The following SHROOM3 variants were observed in gnomAD, a reference collection of about 807,000 sequenced individuals.
The protein encoded by SHROOM3 is shroom family member 3.
In SHROOM3, 47 loss-of-function variants were observed where a neutral mutation model predicts 138.6. That is an observed-to-expected ratio of 0.34 (90% CI 0.27 to 0.43). SHROOM3 has a LOEUF of 0.43. SHROOM3 is among the 20% of genes least tolerant of loss of function. The pLI is 1.00. For synonymous variants in SHROOM3, 1,062 were observed against 1,063.3 expected, an observed-to-expected ratio of 1.00 and a Z score of 0.02; for missense variants, 2,491 against 2,596.5, an observed-to-expected ratio of 0.96 and a Z score of 0.88.
intron 1 of SHROOM3, among the ~76,000 whole-genome samples, chr4:76,519,749 A>G (rs1404477679): frequency 6.6e-6 from 1 of 152,202 alleles, no homozygotes; most frequent in Non-Finnish European, 1.5e-5. Context: ...ACATCCATAA[A>G]ACACGGTGCC....
chr4:76,449,793 CCT>C (rs1730886719), intron 1 of SHROOM3, among the ~76,000 whole-genome samples: 1 of 152,140 alleles, frequency 6.6e-6, no homozygotes. Context: ...TGCTTCCAGT[CCT>C]CTCTTTTCTA....
At position 76,504,682 on chromosome 4, in the gene SHROOM3, A is replaced by G. The variant is rs181741300; in HGVS notation, c.169-50927A>G. ...ACACATTCTATAATCCCCTGCCCCTAAAGTCCGATACATCCTCCCTGAAAG... is the reference window on the plus strand; with the variant it reads ...ACACATTCTATAATCCCCTGCCCCTGAAGTCCGATACATCCTCCCTGAAAG... On this transcript the variant is annotated intron_variant, in intron 1 of 10. Coordinates refer to ENST00000296043, the MANE Select transcript of SHROOM3 (RefSeq NM_020859.4). Among the ~76,000 whole-genome samples, 421 of 152,304 alleles carry G rather than the reference A, an allele frequency of 2.8e-3. 3 individuals carry two copies. Among genetic ancestry groups the G allele is most frequent in the African/African-American group, 9.6e-3 (398 of 41,568 alleles).
chr4:76,580,998 A>G (rs1051444622), intron 2 of SHROOM3, among the ~76,000 whole-genome samples: 2 of 151,900 alleles, frequency 1.3e-5, no homozygotes, highest in Non-Finnish European at 2.9e-5. Context: ...TTTATTCTTT[A>G]TATTAGCTGT....
intron 2 of SHROOM3, among the ~76,000 whole-genome samples, chr4:76,601,333 A>G (rs539958615): frequency 1.3e-5 from 2 of 152,224 alleles, no homozygotes; most frequent in South Asian, 2.1e-4. Context: ...CCTGCAATGC[A>G]CAGGAAAGGC....
At chr4:76,542,792 G>A (rs376930237) in intron 1 of SHROOM3, among the ~76,000 whole-genome samples, 3 of 152,196 alleles carry the variant, frequency 2.0e-5, no homozygotes, top group African/African-American at 7.2e-5. Context: ...GCAGTGATTT[G>A]TTACAGCAAC....
intron 2 of SHROOM3, among the ~76,000 whole-genome samples, chr4:76,565,950 C>T (rs1032330745): frequency 6.6e-6 from 1 of 151,818 alleles, no homozygotes; most frequent in Non-Finnish European, 1.5e-5. Context: ...AAGACCCTGT[C>T]TCTACAAAAA....
At position 76,782,257 on chromosome 4, in the gene SHROOM3, T is replaced by C. The variant is rs1331136067; in HGVS notation, c.*3080T>C. On this transcript the variant is annotated 3_prime_UTR_variant, in exon 11 of 11. Transcript: ENST00000296043. The stretch of plus-strand genomic sequence containing the variant: ...ACCAAACATCTTTTCCTTTGCTCTA[T>C]GGGAACATTTTAGGGTTTGTTTTGC... 6.6e-6 allele frequency: 1 copy of C among 152,210 alleles called. No homozygotes were observed. Among genetic ancestry groups the C allele is most frequent in the East Asian group, 1.9e-4 (1 of 5,196 alleles). 9.4% of individuals were successfully genotyped at this position (152,210 alleles called of 1,614,324 possible).
intron 2 of SHROOM3, among the ~76,000 whole-genome samples, chr4:76,648,325 C>T (rs148207125): frequency 6.6e-6 from 1 of 152,088 alleles, no homozygotes; most frequent in Admixed American, 6.6e-5. Context: ...GATATCTTAT[C>T]TTTAAAAAAA....
At chr4:76,598,713 G>T (rs1302012086) in intron 2 of SHROOM3, among the ~76,000 whole-genome samples, 3 of 152,194 alleles carry the variant, frequency 2.0e-5, no homozygotes, top group South Asian at 2.1e-4. Flanking sequence ...ACGTGGGCAG[G>T]GGGTAGCCCT....
intron 3 of SHROOM3, among the ~76,000 whole-genome samples, chr4:76,714,752 T>C (rs975716151): frequency 1.3e-5 from 2 of 152,204 alleles, no homozygotes; most frequent in African/African-American, 4.8e-5. Flanking sequence ...TTTTCTACAT[T>C]TATTAATTAG....
intron 8 of SHROOM3, among the ~76,000 whole-genome samples, chr4:76,757,447 C>G (rs901605181): frequency 5.3e-5 from 8 of 152,164 alleles, no homozygotes; most frequent in African/African-American, 9.7e-5. Flanking sequence ...CAGAGCTGCT[C>G]TGGCAGAGAG....
At chr4:76,623,468 AG>A (rs1735052090) in intron 2 of SHROOM3, among the ~76,000 whole-genome samples, 1 of 152,236 alleles carries the variant, frequency 6.6e-6, no homozygotes, top group Admixed American at 6.5e-5. Flanking sequence ...TAATTGCCAG[AG>A]GTTCCAAGGA....
At chr4:76,522,150 TC>T (rs1302542253) in intron 1 of SHROOM3, among the ~76,000 whole-genome samples, 2 of 141,842 alleles carry the variant, frequency 1.4e-5, no homozygotes, top group African/African-American at 5.2e-5. Flanking sequence ...CCTGATTGGA[TC>T]TTTTTTTTTT....
At chr4:76,513,726 G>A (rs188274903) in intron 1 of SHROOM3, among the ~76,000 whole-genome samples, 1 of 152,296 alleles carries the variant, frequency 6.6e-6, no homozygotes, top group Admixed American at 6.5e-5. Flanking sequence ...TGACTTCATT[G>A]GCATTAGCAA....
chr4:76,743,279 A>C (rs948089374), intron 5 of SHROOM3, among the ~76,000 whole-genome samples: 10 of 152,252 alleles, frequency 6.6e-5, no homozygotes, highest in Admixed American at 3.3e-4. Context: ...TCACACGCAT[A>C]CAGCAACAAA....
intron 2 of SHROOM3, among the ~76,000 whole-genome samples, chr4:76,651,283 G>A (rs1577952359): frequency 1.3e-5 from 2 of 151,678 alleles, no homozygotes; most frequent in South Asian, 4.2e-4. Context: ...CCTAAAGAGT[G>A]TAATTGGATT....
chr4:76,702,510 T>C (rs1719930721), intron 2 of SHROOM3, among the ~76,000 whole-genome samples: 2 of 152,200 alleles, frequency 1.3e-5, no homozygotes, highest in Non-Finnish European at 2.9e-5. Flanking sequence ...GTATTCTTAT[T>C]TTATAGGGGA....
intron 2 of SHROOM3, among the ~76,000 whole-genome samples, chr4:76,693,980 A>ACG (rs33975377): frequency 5.4e-5 from 1 of 18,578 alleles, no homozygotes; most frequent in Non-Finnish European, 8.1e-5. Context: ...AGAAAAAAAA[A>ACG]ACAAAACTCG....
chr4:76,585,038 GAGAC>G (rs1306085476), intron 2 of SHROOM3, among the ~76,000 whole-genome samples: 1 of 152,142 alleles, frequency 6.6e-6, no homozygotes, highest in Non-Finnish European at 1.5e-5. Flanking sequence ...ACATTCTAGA[GAGAC>G]AGACATTCTA....
Sources: gnomAD v4.1 joint callset for allele counts (sites outside exome capture counted in the v4.1 genomes callset) on GRCh38, gnomAD v4.1.1 for gene constraint, MANE v1.5 for transcripts, NCBI Gene and HGNC (gene_info 2026-07-23, HGNC 2026-07-21) for gene names.